Variants in SPICE1 observed in about 807,000 individuals in gnomAD.
SPICE1 encodes spindle and centriole-associated protein 1.
Under a neutral mutation model 102.7 loss-of-function variants are expected in SPICE1, and 75 were observed. That is an observed-to-expected ratio of 0.73 (90% CI 0.61 to 0.88). The LOEUF (loss-of-function observed/expected upper bound fraction) is 0.88. Among genes scored for constraint, SPICE1 ranks in the 40% least tolerant of loss-of-function variants. The pLI is 0.00. For synonymous variants in SPICE1, 308 were observed against 350.3 expected (o/e 0.88, Z 1.35); for missense variants, 979 against 1,020.1 (o/e 0.96, Z 0.55).
chr3:113,506,572 G>A lies in SPICE1; in HGVS notation c.34C>T (p.Arg12Ter), dbSNP rs187457377. ...SFVRVNRCGP[R>*]VGVRKTPKVK... ...TTCGGTGTCTTTCTTACACCAACTC[G>A]GGGACCACAGCGGTTCACTCTGACA... The change falls in exon 2 of 18, where the codon CGA (arginine) becomes TGA (stop). Residue 12 changes from arginine to a stop codon, truncating the protein, a stop_gained. Transcript: ENST00000295872. LOFTEE classifies it high-confidence loss of function. 46 of 1,612,748 alleles carry A rather than the reference G, an allele frequency of 2.9e-5. No individual in the cohort carries two copies. The highest frequency in any genetic ancestry group is 2.0e-4 in the East Asian group (9 of 44,858).
chr3:113,502,807 A>G (rs1314159037), intron 3 of SPICE1, among the ~76,000 whole-genome samples: 1 of 152,130 alleles, frequency 6.6e-6, no homozygotes, highest in African/African-American at 2.4e-5. Context: ...GGGCTCAGAC[A>G]TGGAAATACA....
chr3:113,510,040 A>G (rs143708895), intron 1 of SPICE1, among the ~76,000 whole-genome samples: 1 of 152,340 alleles, frequency 6.6e-6, no homozygotes, highest in East Asian at 1.9e-4. Context: ...GTATTTCTTT[A>G]TAGCAGCATG....
chr3:113,467,529 G>A (rs1936088660), intron 10 of SPICE1, among the ~76,000 whole-genome samples: 1 of 152,208 alleles, frequency 6.6e-6, no homozygotes, highest in South Asian at 2.1e-4. Context: ...CCTGACCTCA[G>A]GCAATCTGCC....
At chr3:113,509,713 C>T (rs1027666570) in intron 1 of SPICE1, among the ~76,000 whole-genome samples, 2 of 152,166 alleles carry the variant, frequency 1.3e-5, no homozygotes, top group African/African-American at 4.8e-5. Context: ...TATGGTTTGG[C>T]TGAGTCCCCA....
At chr3:113,482,868 G>A (rs910582825) in intron 7 of SPICE1, among the ~76,000 whole-genome samples, 1 of 152,122 alleles carries the variant, frequency 6.6e-6, no homozygotes, top group Admixed American at 6.6e-5. Flanking sequence ...TTTTTGCTTA[G>A]GATTGTCTTG....
rs796840321 is a variant in SPICE1, at chr3:113,497,700, A to G, written c.291+1739T>C. Among the ~76,000 whole-genome samples the G allele has an allele frequency of 7.3e-5, 9 of 123,700 alleles. No individual in the cohort carries two copies. The East Asian group carries it at 1.3e-3, about 18-fold the overall frequency. 81.2% of individuals were successfully genotyped at this position (123,700 alleles called of 152,430 possible). On this transcript the variant is annotated intron_variant, in intron 4 of 17. Coordinates refer to ENST00000295872, the MANE Select transcript of SPICE1 (RefSeq NM_144718.4). ...ACATACATAGAGAGAGAGAGAGAGA[A>G]AGAGAGCTTTTTTTTTTTTTTTTTT...
At chr3:113,495,985 C>G (rs1214975998) in intron 4 of SPICE1, among the ~76,000 whole-genome samples, 1 of 151,268 alleles carries the variant, frequency 6.6e-6, no homozygotes, top group Non-Finnish European at 1.5e-5. Flanking sequence ...ACCTGTGGCT[C>G]AGGATGGCTT....
In SPICE1 at chr3:113,472,008, C is replaced by T. The variant is rs140936881; in HGVS notation, c.612-2770G>A. On this transcript the variant is annotated intron_variant, in intron 7 of 17. Transcript: ENST00000295872. Reference sequence around the variant, plus strand: ...AAGGCATTGCCTCACTTGGGAAGCGCGAGGGGTCAGGGAGTTCCCTTTCCT... The same window carrying T: ...AAGGCATTGCCTCACTTGGGAAGCGTGAGGGGTCAGGGAGTTCCCTTTCCT... 8.9e-3 allele frequency among the ~76,000 whole-genome samples: 1,356 copies of T among 152,284 alleles called. 24 individuals are homozygous for T. Among genetic ancestry groups the T allele is most frequent in the African/African-American group, 0.031 (1,290 of 41,554 alleles).
At chr3:113,495,809 T>G (rs1936869609) in intron 4 of SPICE1, among the ~76,000 whole-genome samples, 1 of 152,204 alleles carries the variant, frequency 6.6e-6, no homozygotes, top group Admixed American at 6.5e-5. Flanking sequence ...AATAATAATT[T>G]TAAGAGTTTA....
intron 11 of SPICE1, among the ~76,000 whole-genome samples, chr3:113,465,094 C>A (rs1305223592): frequency 9.0e-6 from 1 of 111,254 alleles, no homozygotes; most frequent in African/African-American, 4.4e-5. Flanking sequence ...GAGTGAGACA[C>A]CATCTCAAAA....
chr3:113,449,219 T>G (rs1935584750), intron 15 of SPICE1: 2 of 152,238 alleles, frequency 1.3e-5, no homozygotes, highest in Non-Finnish European at 2.9e-5. Context: ...CTAACTGATA[T>G]TATCCCAAAT....
chr3:113,480,068 A>T (rs1576636509), intron 7 of SPICE1, among the ~76,000 whole-genome samples: 1 of 152,154 alleles, frequency 6.6e-6, no homozygotes, highest in East Asian at 1.9e-4. Flanking sequence ...AAAATTTTTT[A>T]AGAAGTATAG....
chr3:113,503,358 A>G (rs1345773051), intron 2 of SPICE1, 131 bp from the exon 3 acceptor site: 3 of 809,758 alleles, frequency 3.7e-6, no homozygotes, highest in African/African-American at 3.6e-5. Context: ...TCTAGGAACC[A>G]GTATTCTCAA....
At chr3:113,498,463 T>C (rs1936942488) in intron 4 of SPICE1, among the ~76,000 whole-genome samples, 2 of 152,230 alleles carry the variant, frequency 1.3e-5, no homozygotes, top group African/African-American at 2.4e-5. Context: ...TCTGTGTTTT[T>C]AGGCCTTTCA....
chr3:113,512,237 T>C (rs909767368), intron 1 of SPICE1, among the ~76,000 whole-genome samples: 4 of 152,108 alleles, frequency 2.6e-5, no homozygotes, highest in African/African-American at 9.7e-5. Flanking sequence ...CTGTGTACAG[T>C]AGGATAACAC....
chr3:113,500,370 TTACACA>T lies in SPICE1; in HGVS notation c.148-794_148-789del, dbSNP rs146081827. On this transcript the variant is annotated intron_variant, in intron 3 of 17. Transcript: ENST00000295872. ...TCCATTAAAGAGACAATAACAAGTATTACACAAGGATTCTGACTCACAAAAAACAAA... is the reference window on the plus strand; with the variant it reads ...TCCATTAAAGAGACAATAACAAGTATAGGATTCTGACTCACAAAAAACAAA... Among the ~76,000 whole-genome samples the T allele has an allele frequency of 2.1e-3, 319 of 152,262 alleles. 2 individuals carry two copies. The highest frequency in any genetic ancestry group is 7.4e-3 in the African/African-American group (309 of 41,552).
intron 12 of SPICE1, among the ~76,000 whole-genome samples, chr3:113,458,932 T>C (rs367697593): frequency 0.029 from 4,405 of 152,188 alleles, 96 homozygotes; most frequent in East Asian, 0.1. Context: ...CAACAGCTCA[T>C]TGAGAACGGG....
chr3:113,460,641 C>A lies in SPICE1; in HGVS notation c.1411G>T (p.Gly471Cys). ...EIQASESGAT[G>C]RRVMDSPERP... ...CCTGGACTGTCCATAACTCTTCTAC[C>A]TGTGGCTCCGCTTTCTGATGCCTGA... Residue 471 changes from glycine (G) to cysteine (C), a missense_variant, in exon 12 of 18, where the codon GGT becomes TGT. Transcript: ENST00000295872. 6.2e-7 allele frequency: 1 copy of A among 1,613,242 alleles called. No homozygotes were observed.
At chr3:113,499,270 C>A (rs756871873) in intron 4 of SPICE1, 169 bp downstream of exon 4, 8 of 624,068 alleles carry the variant, frequency 1.3e-5, no homozygotes, top group Non-Finnish European at 2.0e-5. Context: ...AACCACCAAA[C>A]CAGACTCCAG....
Sources: allele counts gnomAD v4.1 joint callset (sites outside exome capture counted in the v4.1 genomes callset), GRCh38; gene constraint gnomAD v4.1.1; transcripts MANE v1.5; gene names NCBI Gene and HGNC (gene_info 2026-07-23, HGNC 2026-07-21).